The following ZNF718 variants were observed in gnomAD, a reference collection of about 807,000 sequenced individuals.
ZNF718 encodes zinc finger protein 718.
ZNF718 carries 3 observed loss-of-function variants against 2.6 expected under a neutral mutation model. That is an observed-to-expected ratio of 1.16 (90% CI 0.53 to 3.01). The LOEUF is 3.01. Ranked by LOEUF, ZNF718 falls within the 30% of genes most tolerant of loss-of-function variation. The pLI is 0.03. For missense variants in ZNF718, 468 were observed against 230.0 expected, an observed-to-expected ratio of 2.03 and a Z score of -6.69; for synonymous variants, 135 against 77.9, an observed-to-expected ratio of 1.73 and a Z score of -3.86.
At chr4:170,041 T>C in intron 3 of ZNF718, among the ~76,000 whole-genome samples, 1 of 152,108 alleles carries the variant, frequency 6.6e-6, no homozygotes, top group East Asian at 1.9e-4. Context: ...AGGGCAGGCC[T>C]GGTGGTGACA....
chr4:175,926 G>A (rs1045699757), intron 3 of ZNF718, among the ~76,000 whole-genome samples: 2 of 136,552 alleles, frequency 1.5e-5, no homozygotes, highest in African/African-American at 5.5e-5. Context: ...GCGCTATCTC[G>A]GCTCACTGCA....
downstream of ZNF718, among the ~76,000 whole-genome samples, chr4:167,509 A>G (rs1307616228): frequency 3.3e-5 from 5 of 152,022 alleles, no homozygotes; most frequent in Admixed American, 2.6e-4. Flanking sequence ...ATTTGTTTGT[A>G]TCCTGTTTTA....
At chr4:126,814 G>A (rs778210930) in intron 1 of ZNF718, among the ~76,000 whole-genome samples, 3 of 150,926 alleles carry the variant, frequency 2.0e-5, no homozygotes, top group Non-Finnish European at 4.4e-5. Context: ...TTTTAGGATT[G>A]GAGATAATTT....
At chr4:175,887 C>T (rs922129259) in intron 3 of ZNF718, among the ~76,000 whole-genome samples, 2 of 124,502 alleles carry the variant, frequency 1.6e-5, no homozygotes, top group East Asian at 4.7e-4. Context: ...GATGGAGTCT[C>T]GCTCTGTGGC....
chr4:180,524 G>T (rs1226542882), intron 3 of ZNF718, among the ~76,000 whole-genome samples: 1 of 152,196 alleles, frequency 6.6e-6, no homozygotes, highest in Admixed American at 6.5e-5. Flanking sequence ...TTAGACTCTG[G>T]CTGGCAGTGT....
intron 1 of ZNF718, among the ~76,000 whole-genome samples, chr4:126,800 A>T (rs537213208): frequency 1.3e-5 from 2 of 150,394 alleles, no homozygotes; most frequent in Admixed American, 6.6e-5. Context: ...ATGGTGGAAA[A>T]TTTTTTTAGG....
chr4:130,850 C>T lies in ZNF718; in HGVS notation c.66C>T (p.Asp22=), dbSNP rs1203309891. ...EFSPEEWKCL[D]TSQQNLYRDV... ...CTCCAGAAGAGTGGAAATGTCTGGACACTTCCCAGCAGAATTTATATAGAG... is the reference window on the plus strand; with the variant it reads ...CTCCAGAAGAGTGGAAATGTCTGGATACTTCCCAGCAGAATTTATATAGAG... The change falls in exon 2 of 4, where the codon GAC becomes GAT. Residue 22 remains aspartate, a synonymous_variant. Transcript: ENST00000510175. 4.6e-5 allele frequency: 18 copies of T among 390,050 alleles called. 3 individuals carry two copies. Among genetic ancestry groups the T allele is most frequent in the Non-Finnish European group, 7.8e-5 (17 of 219,012 alleles). 24.2% of individuals were successfully genotyped at this position (390,050 alleles called of 1,614,324 possible). A position where few individuals can be genotyped will look rare whatever the true frequency, so the allele number is the denominator to read the frequency against.
At chr4:197,548 G>T (rs1296184943) in intron 3 of ZNF718, among the ~76,000 whole-genome samples, 2 of 152,112 alleles carry the variant, frequency 1.3e-5, no homozygotes, top group African/African-American at 4.8e-5. Context: ...TGGGGCCCTG[G>T]GGTGGAAAAC....
Position 161,863 on chromosome 4 carries a change from A to T in ZNF718, c.1178A>T (p.Asn393Ile), listed in dbSNP as rs372984885. The change falls in exon 4 of 4, where the codon AAT becomes ATT. Residue 393 changes from asparagine to isoleucine, a missense_variant. Asn to Ile is a moderately radical substitution (Grantham distance 149). Coordinates refer to ENST00000510175, the MANE Select transcript of ZNF718 (RefSeq NM_001039127.6). ...CACAAGAGAATTCACTCTGGAAAAA[A>T]TCCCTACAAATGTGAAGATTGTGGC... The part of the protein sequence containing the change: ...NVHKRIHSGK[N>I]PYKCEDCGKA... The T allele has an allele frequency of 1.3e-6, 1 of 780,770 alleles. No individual in the cohort carries two copies. The highest frequency in any genetic ancestry group is 2.4e-5 in the East Asian group (1 of 41,202). 48.4% of individuals were successfully genotyped at this position (780,770 alleles called of 1,614,324 possible).
intron 3 of ZNF718, 103 bp from the exon 4 acceptor site, chr4:160,809 G>T: frequency 1.6e-6 from 1 of 639,696 alleles, no homozygotes; most frequent in Non-Finnish European, 2.8e-6. Context: ...CCTTGGCCTC[G>T]GAAACTGCTG....
chr4:150,991 C>T (rs1339523242), intron 3 of ZNF718, among the ~76,000 whole-genome samples: 2 of 151,950 alleles, frequency 1.3e-5, no homozygotes, highest in Non-Finnish European at 2.9e-5. Flanking sequence ...AATATGTTAT[C>T]CTGTGATACT....
Position 145,546 on chromosome 4 carries a change from C to T in ZNF718, c.226+14041C>T, listed in dbSNP as rs1368938761. 3.3e-5 allele frequency among the ~76,000 whole-genome samples: 5 copies of T among 152,234 alleles called. No homozygotes were observed. In the South Asian group the frequency reaches 6.2e-4, roughly 19 times the overall value. ...GTACATTCACAGCTTAGTGCAGCCTCGACCTCCCCAGGCTCAAGCAATCTT... is the reference window on the plus strand; with the variant it reads ...GTACATTCACAGCTTAGTGCAGCCTTGACCTCCCCAGGCTCAAGCAATCTT... On this transcript the variant is annotated intron_variant, in intron 3 of 3. Coordinates refer to ENST00000510175, the MANE Select transcript of ZNF718 (RefSeq NM_001039127.6).
downstream of ZNF718, among the ~76,000 whole-genome samples, chr4:164,557 T>G (rs1351472122): frequency 6.6e-5 from 10 of 152,142 alleles, no homozygotes; most frequent in African/African-American, 2.4e-4. Flanking sequence ...AGTTTTTTGT[T>G]TTAACTTCAT....
intron 1 of ZNF718, chr4:124,925 C>T (rs953027456): frequency 1.6e-5 from 7 of 427,484 alleles, no homozygotes; most frequent in Admixed American, 7.8e-5. Context: ...GGAGCTCATC[C>T]GGAAGACACC....
At chr4:144,508 C>A (rs1352589095) in intron 3 of ZNF718, among the ~76,000 whole-genome samples, 1 of 152,048 alleles carries the variant, frequency 6.6e-6, no homozygotes, top group Non-Finnish European at 1.5e-5. Flanking sequence ...ATGGGTCTGT[C>A]TACATTATAA....
Position 161,244 on chromosome 4 carries a change from ACT to A in ZNF718, c.561_562del (p.Gln188ThrfsTer14). ...GKSFHVLSRL[T>X]QHKRIHTGEN... ...ATCATTTCACGTGCTCTCACGCCTAACTCAACACAAAAGAATTCATACTGGAG... is the reference window on the plus strand; with the variant it reads ...ATCATTTCACGTGCTCTCACGCCTAACAACACAAAAGAATTCATACTGGAG... On this transcript the variant is annotated frameshift_variant, in exon 4 of 4. Coordinates refer to ENST00000510175, the MANE Select transcript of ZNF718 (RefSeq NM_001039127.6). LOFTEE classifies it low-confidence loss of function (END_TRUNC). 1.3e-6 allele frequency: 1 copy of A among 777,612 alleles called. No homozygotes were observed. Among genetic ancestry groups the A allele is most frequent in the Non-Finnish European group, 2.4e-6 (1 of 417,650 alleles). 48.2% of individuals were successfully genotyped at this position (777,612 alleles called of 1,614,324 possible).
At chr4:175,821 C>G (rs1717333415) in intron 3 of ZNF718, among the ~76,000 whole-genome samples, 1 of 147,508 alleles carries the variant, frequency 6.8e-6, no homozygotes. Context: ...GAATAGTGGT[C>G]TCTATCTCTA....
downstream of ZNF718, among the ~76,000 whole-genome samples, chr4:166,362 C>A (rs1553816823): frequency 6.6e-6 from 1 of 152,142 alleles, no homozygotes; most frequent in African/African-American, 2.4e-5. Context: ...TGGGTATATA[C>A]CCAGTAATGG....
chr4:164,548 GT>G (rs1283431910), downstream of ZNF718, among the ~76,000 whole-genome samples: 10 of 152,094 alleles, frequency 6.6e-5, no homozygotes, highest in Admixed American at 6.5e-4. Context: ...GTTTCTCATA[GT>G]TTTTTGTTTT....
Sources: allele counts gnomAD v4.1 joint callset (sites outside exome capture counted in the v4.1 genomes callset), GRCh38; gene constraint gnomAD v4.1.1; transcripts MANE v1.5; gene names NCBI Gene and HGNC (gene_info 2026-07-23, HGNC 2026-07-21).